Variants in PPHLN1 observed in about 807,000 individuals in gnomAD.
The protein encoded by PPHLN1 is periphilin 1.
A neutral mutation model predicts 51.3 loss-of-function variants in PPHLN1; 29 were observed. The ratio of observed to expected loss-of-function variants is 0.57; its 90% CI spans 0.42 to 0.77. PPHLN1 has a LOEUF of 0.77. PPHLN1 is among the 30% of genes least tolerant of loss of function. The pLI is 0.00. For missense variants in PPHLN1, 436 were observed against 438.4 expected (o/e 0.99, Z 0.05); for synonymous variants, 147 against 147.8 (o/e 0.99, Z 0.04).
chr12:42,417,859 C>T (rs1186427937), intron 9 of PPHLN1, among the ~76,000 whole-genome samples: 2 of 148,812 alleles, frequency 1.3e-5, no homozygotes, highest in Non-Finnish European at 3.0e-5. Context: ...ATATCCATAA[C>T]TCAGCTGAAC....
At chr12:42,331,508 A>G (rs543003527) in intron 1 of PPHLN1, among the ~76,000 whole-genome samples, 6 of 152,358 alleles carry the variant, frequency 3.9e-5, no homozygotes, top group African/African-American at 1.2e-4. Flanking sequence ...TGAAGTTAAC[A>G]TAACAGTGGT....
At chr12:42,339,173 G>C (rs2071120399) in intron 2 of PPHLN1, among the ~76,000 whole-genome samples, 1 of 152,154 alleles carries the variant, frequency 6.6e-6, no homozygotes, top group African/African-American at 2.4e-5. Context: ...TGGCTGCTTG[G>C]TTCCTCATGG....
At chr12:42,403,357 C>G (rs1243239745) in intron 9 of PPHLN1, among the ~76,000 whole-genome samples, 1 of 152,080 alleles carries the variant, frequency 6.6e-6, no homozygotes, top group Non-Finnish European at 1.5e-5. Flanking sequence ...GTCTGGATTC[C>G]CAAAACAACT....
chr12:42,400,177 A>T (rs1317238511), intron 9 of PPHLN1: 4 of 151,970 alleles, frequency 2.6e-5, no homozygotes, highest in Non-Finnish European at 5.9e-5. Context: ...GGCTTACAAG[A>T]AATACTTGTG....
intron 9 of PPHLN1, among the ~76,000 whole-genome samples, chr12:42,406,927 T>C (rs946075243): frequency 7.9e-5 from 12 of 152,166 alleles, no homozygotes; most frequent in Non-Finnish European, 5.9e-5. Context: ...CACTTGGACA[T>C]CAATTTGACC....
intron 8 of PPHLN1, among the ~76,000 whole-genome samples, chr12:42,397,173 G>C (rs2078315474): frequency 6.6e-6 from 1 of 152,104 alleles, no homozygotes; most frequent in African/African-American, 2.4e-5. Context: ...TCTGTCCCTA[G>C]TCTAGAATGA....
At chr12:42,344,947 C>T (rs1200050476) in intron 2 of PPHLN1, among the ~76,000 whole-genome samples, 2 of 152,004 alleles carry the variant, frequency 1.3e-5, no homozygotes, top group Non-Finnish European at 2.9e-5. Flanking sequence ...TGGCCTCAAA[C>T]TGATCTGCCC....
intron 7 of PPHLN1, among the ~76,000 whole-genome samples, chr12:42,388,184 A>G (rs1470931166): frequency 6.6e-6 from 1 of 152,156 alleles, no homozygotes; most frequent in Non-Finnish European, 1.5e-5. Context: ...AGCCTCTTGC[A>G]GTTGAGATAG....
At chr12:42,399,040 CT>C in intron 9 of PPHLN1, 46 bp downstream of exon 9, 1 of 1,602,686 alleles carries the variant, frequency 6.2e-7, no homozygotes, top group African/African-American at 1.3e-5. Flanking sequence ...GTTTGTGTTG[CT>C]TTGCACATGT....
chr12:42,356,036 T>G (rs527783128), intron 4 of PPHLN1, among the ~76,000 whole-genome samples: 1 of 152,190 alleles, frequency 6.6e-6, no homozygotes, highest in African/African-American at 2.4e-5. Flanking sequence ...AGAATAGTTG[T>G]GGGAAAGAAA....
intron 2 of PPHLN1, among the ~76,000 whole-genome samples, chr12:42,351,002 AGGGAGAGGGGGAGG>A (rs2073275817): frequency 6.6e-6 from 1 of 150,834 alleles, no homozygotes; most frequent in East Asian, 2.0e-4. Flanking sequence ...CAAGCGGGAG[AGGGAGAGGGGGAGG>A]GGAAGAGGGA....
At chr12:42,363,774 A>T (rs551983299) in intron 4 of PPHLN1, among the ~76,000 whole-genome samples, 1 of 151,970 alleles carries the variant, frequency 6.6e-6, no homozygotes, top group South Asian at 2.1e-4. Flanking sequence ...TATATTGTCT[A>T]TTTTTTCAAA....
At position 42,432,004 on chromosome 12, in the gene PPHLN1, C is replaced by T. The variant is rs185132357; in HGVS notation, c.910-9311C>T. The T allele has an allele frequency of 7.0e-4, 1,046 of 1,488,462 alleles. 2 individuals are homozygous for T. The highest frequency in any genetic ancestry group is 3.0e-3 in the African/African-American group (219 of 72,854). The allele number at this position is 1,488,462 out of a possible 1,614,324, so 92.2% of individuals were successfully genotyped here. On this transcript the variant is annotated intron_variant, in intron 9 of 9. Coordinates refer to ENST00000358314, the MANE Select transcript of PPHLN1 (RefSeq NM_201439.2). ...CTGATCTGATTCTGATTATCAAGTA[C>T]GCTGTATGGATTGCTGTCTGGATCT...
intron 4 of PPHLN1, among the ~76,000 whole-genome samples, chr12:42,355,992 C>CATT (rs35839977): frequency 0.16 from 24,723 of 152,008 alleles, 2,051 homozygotes; most frequent in Admixed American, 0.2. Context: ...GGGCCTCAAT[C>CATT]GTTGGCTTTG....
At chr12:42,417,939 T>G (rs1471181898) in intron 9 of PPHLN1, among the ~76,000 whole-genome samples, 516 of 49,884 alleles carry the variant, frequency 0.01, 2 homozygotes, top group African/African-American at 0.02. Flanking sequence ...TTTGTTTTTT[T>G]TTTGTTTTTT....
rs775555753 is a variant in PPHLN1, at chr12:42,329,094, AT to A, written c.-21+2880del. On this transcript the variant is annotated intron_variant, in intron 1 of 9. Coordinates refer to ENST00000358314, the MANE Select transcript of PPHLN1 (RefSeq NM_201439.2). ...TTATGTTTAGTTGTCTGGAATTTCA[AT>A]TTTTTTTTTTTTTTGTGTGTGTGTG... is the stretch of plus-strand genomic sequence containing the variant. Among the ~76,000 whole-genome samples, 1,094 of 141,352 alleles carry A rather than the reference AT, an allele frequency of 7.7e-3. 7 individuals are homozygous for A. The highest frequency in any genetic ancestry group is 0.018 in the African/African-American group (653 of 35,800). The allele number at this position is 141,352 out of a possible 152,430, so 92.7% of individuals were successfully genotyped here.
chr12:42,404,572 T>TG (rs1565953644), intron 9 of PPHLN1, among the ~76,000 whole-genome samples: 1 of 130,082 alleles, frequency 7.7e-6, no homozygotes, highest in Non-Finnish European at 1.6e-5. Flanking sequence ...ATAGCAAGTT[T>TG]GTGATATAGG....
chr12:42,326,906 A>G (rs1327029540), intron 1 of PPHLN1, among the ~76,000 whole-genome samples: 1 of 152,170 alleles, frequency 6.6e-6, no homozygotes, highest in Non-Finnish European at 1.5e-5. Context: ...CCTGGAACCC[A>G]CAGCCTCTCC....
In PPHLN1 at chr12:42,441,349, T is replaced by C; in HGVS notation, c.944T>C (p.Val315Ala). The change falls in exon 10 of 10, where the codon GTG (valine) becomes GCG (alanine). Residue 315 changes from valine (V) to alanine (A), a missense_variant. Coordinates refer to ENST00000358314, the MANE Select transcript of PPHLN1 (RefSeq NM_201439.2). The part of the protein sequence containing the change: ...YRQDCETFGM[V>A]VKMLIEKDPS... Reference sequence around the variant, plus strand: ...CAAGACTGTGAAACTTTCGGGATGGTGGTGAAAATGCTGATTGAAAAAGAT... The same window carrying C: ...CAAGACTGTGAAACTTTCGGGATGGCGGTGAAAATGCTGATTGAAAAAGAT... 6.2e-7 allele frequency: 1 copy of C among 1,613,088 alleles called. No homozygotes were observed. Among genetic ancestry groups the C allele is most frequent in the East Asian group, 2.2e-5 (1 of 44,874 alleles).
Sources: gnomAD v4.1 joint callset for allele counts (sites outside exome capture counted in the v4.1 genomes callset) on GRCh38, gnomAD v4.1.1 for gene constraint, MANE v1.5 for transcripts, NCBI Gene and HGNC (gene_info 2026-07-23, HGNC 2026-07-21) for gene names.